Variants in LMNA observed in about 807,000 individuals in gnomAD.
LMNA encodes the protein lamin.
A neutral mutation model predicts 70.4 loss-of-function variants in LMNA; 20 were observed. That is an observed-to-expected ratio of 0.28 (90% CI 0.20 to 0.41). LMNA has a LOEUF of 0.41. LMNA is among the 10% of genes least tolerant of loss of function. The pLI, the probability that LMNA is intolerant of heterozygous loss-of-function variation, is 1.00. For synonymous variants in LMNA, 339 were observed against 372.8 expected, an observed-to-expected ratio of 0.91 and a Z score of 1.04; for missense variants, 652 against 917.2, an observed-to-expected ratio of 0.71 and a Z score of 3.73.
intron 1 of LMNA, among the ~76,000 whole-genome samples, chr1:156,119,554 C>T (rs1274560493): frequency 6.6e-6 from 1 of 152,250 alleles, no homozygotes; most frequent in Non-Finnish European, 1.5e-5. Context: ...AGCTACCGCA[C>T]CTGGTACCCC....
Position 156,134,334 on chromosome 1 carries a change from C to A in LMNA, c.514-69C>A. 1.9e-6 allele frequency: 3 copies of A among 1,575,478 alleles called. No homozygotes were observed. Among genetic ancestry groups the A allele is most frequent in the Non-Finnish European group, 2.6e-6 (3 of 1,153,704 alleles). ...GAAGGGGTGCACAGGCAGCAGCCCA[C>A]CTCTCAGCTTCCTTCCAGTTCTTGT... is the stretch of plus-strand genomic sequence containing the variant. On this transcript the variant is annotated intron_variant, in intron 2 of 11. Transcript: ENST00000368300. The surrounding 1 kb of genome is among the most constrained non-coding windows in gnomAD (Gnocchi z 5.3).
In LMNA at chr1:156,136,241, G is replaced by A. The variant is rs397517890; in HGVS notation, c.1185G>A (p.Ser395=). 2.7e-5 allele frequency: 44 copies of A among 1,611,892 alleles called. No homozygotes were observed. Among genetic ancestry groups the A allele is most frequent in the East Asian group, 1.3e-4 (6 of 44,902 alleles). Reference sequence around the variant, plus strand: ...TACGCCTGTCCCCCAGCCCTACCTCGCAGCGCAGCCGTGGCCGTGCTTCCT... The same window carrying A: ...TACGCCTGTCCCCCAGCCCTACCTCACAGCGCAGCCGTGGCCGTGCTTCCT... ...ERLRLSPSPT[S]QRSRGRASSH... The change falls in exon 7 of 12, where the codon TCG becomes TCA. Residue 395 remains serine, a synonymous_variant. Coordinates refer to ENST00000368300, the MANE Select transcript of LMNA (RefSeq NM_170707.4). The surrounding 1 kb of genome is among the most constrained non-coding windows in gnomAD (Gnocchi z 6.1).
At chr1:156,116,983 G>C (rs780808973) in intron 1 of LMNA, among the ~76,000 whole-genome samples, 42 of 151,160 alleles carry the variant, frequency 2.8e-4, no homozygotes, top group Non-Finnish European at 4.7e-4. Context: ...GTGCGATCTT[G>C]GCTCACCACA....
intron 1 of LMNA, among the ~76,000 whole-genome samples, chr1:156,121,249 A>G (rs1051727396): frequency 3.3e-5 from 5 of 151,902 alleles, no homozygotes; most frequent in South Asian, 2.1e-4. Context: ...AGGTTTCACC[A>G]TGTTACTCAG....
upstream of LMNA, among the ~76,000 whole-genome samples, chr1:156,110,636 G>T (rs755180182): frequency 1.9e-4 from 28 of 144,194 alleles, no homozygotes; most frequent in Admixed American, 1.1e-3. Context: ...CTTGACTCCA[G>T]GAGTTCAAGA....
Position 156,137,475 on chromosome 1 carries a change from A to G in LMNA, c.1609-179A>G. ...GCCATACTCCTACCCGGAGAGCTTGACAGTGTCCCTCTGGGGTGGAAATGA... is the reference window on the plus strand; with the variant it reads ...GCCATACTCCTACCCGGAGAGCTTGGCAGTGTCCCTCTGGGGTGGAAATGA... On this transcript the variant is annotated intron_variant, in intron 9 of 11. Coordinates refer to ENST00000368300, the MANE Select transcript of LMNA (RefSeq NM_170707.4). This position sits in a 1 kb window ranked among gnomAD's most constrained non-coding sequence, Gnocchi z 4.6. 1 of 779,382 alleles carries G rather than the reference A, an allele frequency of 1.3e-6. No homozygotes were observed. Among genetic ancestry groups the G allele is most frequent in the African/African-American group, 1.7e-5 (1 of 58,704 alleles). The allele number at this position is 779,382 out of a possible 1,614,324, so 48.3% of individuals were successfully genotyped here.
In LMNA at chr1:156,134,175, A is replaced by G. The variant is rs1651317226; in HGVS notation, c.514-228A>G. Reference sequence around the variant, plus strand: ...GGGACTACAGGCGTGTGCCACCATCATGCCTGGCTACTTTTTTGTATTAGA... The same window carrying G: ...GGGACTACAGGCGTGTGCCACCATCGTGCCTGGCTACTTTTTTGTATTAGA... On this transcript the variant is annotated intron_variant, in intron 2 of 11. Coordinates refer to ENST00000368300, the MANE Select transcript of LMNA (RefSeq NM_170707.4). The surrounding 1 kb of genome is among the most constrained non-coding windows in gnomAD (Gnocchi z 5.3). Among the ~76,000 whole-genome samples the G allele has an allele frequency of 6.6e-6, 1 of 152,048 alleles. No homozygotes were observed. The highest frequency in any genetic ancestry group is 1.5e-5 in the Non-Finnish European group (1 of 68,008).
chr1:156,129,025 C>T (rs1371656350), intron 1 of LMNA, among the ~76,000 whole-genome samples: 1 of 152,256 alleles, frequency 6.6e-6, no homozygotes, highest in Non-Finnish European at 1.5e-5. Flanking sequence ...GTGCTCCCAG[C>T]CAGGGGCTAG....
At position 156,129,877 on chromosome 1, in the gene LMNA, C is replaced by G. The variant is rs779495068; in HGVS notation, c.357-740C>G. The stretch of plus-strand genomic sequence containing the variant: ...GGACCTGGAGGCCTGGGATCCACAT[C>G]TGGAACCAGATGCTGAGGCTATGGT... On this transcript the variant is annotated intron_variant, in intron 1 of 11. Transcript: ENST00000368300. 6.5e-6 allele frequency: 5 copies of G among 770,832 alleles called. No homozygotes were observed. The East Asian group carries it at 9.7e-5, about 15-fold the overall frequency. The allele number at this position is 770,832 out of a possible 1,614,324, so 47.7% of individuals were successfully genotyped here.
At chr1:156,106,930 G>A (rs1363800413) in intron 3 of LMNA, 1 of 152,266 alleles carries the variant, frequency 6.6e-6, no homozygotes, top group Non-Finnish European at 1.5e-5. Flanking sequence ...GGAGCTCCTG[G>A]GGAGACTGTA....
chr1:156,102,988 G>A (rs1298681126), intron 3 of LMNA, among the ~76,000 whole-genome samples: 2 of 152,204 alleles, frequency 1.3e-5, no homozygotes, highest in Non-Finnish European at 2.9e-5. Context: ...TTGTGCTGTT[G>A]CAGAGGCACT....
Position 156,090,359 on chromosome 1 carries a change from G to C in LMNA, c.-318-112G>C, listed in dbSNP as rs4661146. 0.23 allele frequency: 34,764 copies of C among 152,066 alleles called. 5,038 individuals carry two copies. The highest frequency in any genetic ancestry group is 0.71 in the East Asian group (3,651 of 5,150). 9.4% of individuals were successfully genotyped at this position (152,066 alleles called of 1,614,324 possible). A position where few individuals can be genotyped will look rare whatever the true frequency, so the allele number is the denominator to read the frequency against. ...GTGACTCCCTTCTGCTTTCTGATCT[G>C]TCATGCTTCCTTTTTCAGGAAAGGG... On this transcript the variant is annotated intron_variant, in intron 2 of 12. Transcript: ENST00000368301.
rs1651966207 is a variant in LMNA, at chr1:156,139,883, G to A, written c.*777G>A. The A allele has an allele frequency of 5.5e-6, 8 of 1,447,694 alleles. No homozygotes were observed. Among genetic ancestry groups the A allele is most frequent in the Non-Finnish European group, 7.3e-6 (8 of 1,100,108 alleles). The allele number at this position is 1,447,694 out of a possible 1,614,324, so 89.7% of individuals were successfully genotyped here. On this transcript the variant is annotated 3_prime_UTR_variant, in exon 12 of 12. Coordinates refer to ENST00000368300, the MANE Select transcript of LMNA (RefSeq NM_170707.4). ...CTCTGTGCAGTCACTGGAGGTTGAA[G>A]CCAAGTGGGGTGCTGGGAGGAGGGA...
chr1:156,093,625 A>T (rs1648797623), intron 3 of LMNA: 1 of 152,078 alleles, frequency 6.6e-6, no homozygotes, highest in East Asian at 1.9e-4. Flanking sequence ...TTTTTCCTAG[A>T]AATCTCCCCT....
chr1:156,133,235 A>G (rs1380709746), intron 2 of LMNA, among the ~76,000 whole-genome samples: 3 of 152,158 alleles, frequency 2.0e-5, no homozygotes, highest in South Asian at 4.2e-4. Context: ...GATTATAGGC[A>G]TGAGCCACCA....
chr1:156,135,386 G>T lies in LMNA; in HGVS notation c.936+74G>T. ...GATGCAGGCTGGAAGCCCAGGGTTG[G>T]GGGTGGGGGTGGGGGTGGGAGGTTC... On this transcript the variant is annotated intron_variant, in intron 5 of 11. Transcript: ENST00000368300. The surrounding 1 kb of genome is among the most constrained non-coding windows in gnomAD (Gnocchi z 4.8). The T allele has an allele frequency of 6.8e-7, 1 of 1,460,344 alleles. No homozygotes were observed. The allele number at this position is 1,460,344 out of a possible 1,614,324, so 90.5% of individuals were successfully genotyped here.
intron 3 of LMNA, among the ~76,000 whole-genome samples, chr1:156,095,498 C>T (rs893808019): frequency 9.3e-5 from 14 of 150,834 alleles, no homozygotes; most frequent in African/African-American, 3.4e-4. Flanking sequence ...GCCACCACAC[C>T]CAGCTAATGC....
Position 156,135,032 on chromosome 1 carries a change from C to A in LMNA, c.810+57C>A, listed in dbSNP as rs75288240. The A allele has an allele frequency of 4.5e-4, 721 of 1,612,010 alleles. 2 individuals carry two copies. The African/African-American group carries it at 8.7e-3, about 19-fold the overall frequency. On this transcript the variant is annotated intron_variant, in intron 4 of 11. Transcript: ENST00000368300. This position sits in a 1 kb window ranked among gnomAD's most constrained non-coding sequence, Gnocchi z 4.8. ...TCTGCCCTTGGCAGCCCTACCCTTA[C>A]CCACGCTGGGCTATGCCTTCTGGGG...
intron 1 of LMNA, among the ~76,000 whole-genome samples, chr1:156,121,724 C>T (rs1650204319): frequency 6.6e-6 from 1 of 151,736 alleles, no homozygotes; most frequent in Admixed American, 6.6e-5. Context: ...GCAGCCAAGA[C>T]CAAGTCTTCA....
Sources: gnomAD v4.1 joint callset for allele counts (sites outside exome capture counted in the v4.1 genomes callset) on GRCh38, gnomAD v4.1.1 for gene constraint, Gnocchi (gnomAD v3.1) non-coding constraint, MANE v1.5 for transcripts, NCBI Gene and HGNC (gene_info 2026-07-23, HGNC 2026-07-21) for gene names.